GBF1: variants seen among roughly 807,000 people sequenced by gnomAD.
The protein encoded by GBF1 is golgi brefeldin A resistant guanine nucleotide exchange factor 1.
In GBF1, 114 loss-of-function variants were observed where a neutral mutation model predicts 210.5. The ratio of observed to expected loss-of-function variants is 0.54; its 90% confidence interval spans 0.47 to 0.63. The LOEUF (loss-of-function observed/expected upper bound fraction) is 0.63, where lower values mean the gene tolerates loss of function less well. Ranked by LOEUF, GBF1 falls within the 30% of genes least tolerant of loss-of-function variation. The probability of loss-of-function intolerance (pLI) is 0.00; values close to 1 mark genes in which losing one functional copy is unlikely to be tolerated. For synonymous variants in GBF1, 850 were observed against 889.2 expected (o/e 0.96, Z 0.78); for missense variants, 1,851 against 2,357.7 (o/e 0.79, Z 4.45).
At chr10:102,291,752 G>A (rs111883028) in intron 3 of GBF1, among the ~76,000 whole-genome samples, 299 of 152,212 alleles carry the variant, frequency 2.0e-3, no homozygotes, top group African/African-American at 6.9e-3. Context: ...TTGGACAGAT[G>A]GATGGGGAGC....
chr10:102,268,721 A>G (rs1167460458), intron 3 of GBF1, among the ~76,000 whole-genome samples: 2 of 152,162 alleles, frequency 1.3e-5, no homozygotes, highest in African/African-American at 4.8e-5. Flanking sequence ...ATTAGGAGAG[A>G]TAGTGAAGAG....
chr10:102,328,197 AG>A (rs1212136762), intron 3 of GBF1, among the ~76,000 whole-genome samples: 1 of 152,226 alleles, frequency 6.6e-6, no homozygotes, highest in Non-Finnish European at 1.5e-5. Context: ...AACAGCATAA[AG>A]ACTTCTTAAT....
At chr10:102,331,218 C>CA (rs1230193569) in intron 3 of GBF1, among the ~76,000 whole-genome samples, 1 of 152,042 alleles carries the variant, frequency 6.6e-6, no homozygotes, top group Non-Finnish European at 1.5e-5. Context: ...ATATAGATGG[C>CA]AAAAATAATT....
intron 3 of GBF1, among the ~76,000 whole-genome samples, chr10:102,333,141 G>A (rs2057459701): frequency 6.7e-6 from 1 of 150,186 alleles, no homozygotes; most frequent in African/African-American, 2.4e-5. Flanking sequence ...GAGAAATGAG[G>A]TGTTTTTGCC....
rs570089435 is a variant in GBF1, at chr10:102,276,343, G to A, written c.163+16227G>A. On this transcript the variant is annotated intron_variant, in intron 3 of 39. Coordinates refer to ENST00000369983, the MANE Select transcript of GBF1 (RefSeq NM_001377137.1). Reference sequence around the variant, plus strand: ...AGATCGAGACCATCCTGGCTAACACGGTGAAACCCCGTCTCTACTAAAAAA... The same window carrying A: ...AGATCGAGACCATCCTGGCTAACACAGTGAAACCCCGTCTCTACTAAAAAA... Among the ~76,000 whole-genome samples the A allele has an allele frequency of 2.2e-3, 338 of 151,918 alleles. 1 individual carries two copies. Among genetic ancestry groups the A allele is most frequent in the African/African-American group, 7.8e-3 (324 of 41,434 alleles).
intron 33 of GBF1, among the ~76,000 whole-genome samples, chr10:102,378,508 T>A (rs2060644435): frequency 6.6e-6 from 1 of 151,874 alleles, no homozygotes; most frequent in South Asian, 2.1e-4. Context: ...CACATTGTAG[T>A]CCCAGCTACT....
rs534134688 is a variant in GBF1 at position 102,378,296 on chromosome 10, A to G, written c.4495-988A>G. ...TCTGGCCAGACACTATTGCCCAATCAAAGCCTCTGAGCCTGAGGTTTTCTG... is the reference window on the plus strand; with the variant it reads ...TCTGGCCAGACACTATTGCCCAATCGAAGCCTCTGAGCCTGAGGTTTTCTG... On this transcript the variant is annotated intron_variant, in intron 33 of 39. Transcript: ENST00000369983. Among the ~76,000 whole-genome samples, 5 of 152,074 alleles carry G rather than the reference A, an allele frequency of 3.3e-5. No homozygotes were observed. In the South Asian group the frequency reaches 1.0e-3, roughly 32 times the overall value.
chr10:102,312,906 G>A (rs908589196), intron 3 of GBF1, among the ~76,000 whole-genome samples: 1 of 152,092 alleles, frequency 6.6e-6, no homozygotes, highest in Non-Finnish European at 1.5e-5. Flanking sequence ...GCTGTGCCTT[G>A]TCCTGTGGAA....
chr10:102,242,566 G>A (rs912798694), upstream of GBF1, among the ~76,000 whole-genome samples: 2 of 152,134 alleles, frequency 1.3e-5, no homozygotes, highest in Non-Finnish European at 2.9e-5. Context: ...TCTGACTTAG[G>A]CCTCAATTTC....
intron 1 of GBF1, among the ~76,000 whole-genome samples, chr10:102,256,097 C>A (rs2072322296): frequency 6.6e-6 from 1 of 152,206 alleles, no homozygotes. Context: ...AGGTGTGCAC[C>A]ACCACACCTG....
At chr10:102,253,009 C>G (rs1024703008) in intron 1 of GBF1, among the ~76,000 whole-genome samples, 3 of 152,064 alleles carry the variant, frequency 2.0e-5, no homozygotes, top group Admixed American at 2.0e-4. Flanking sequence ...ATCCTCCTGC[C>G]TCAGCCTCCT....
chr10:102,370,746 T>C lies in GBF1; in HGVS notation c.3546T>C (p.His1182=). 6.2e-7 allele frequency: 1 copy of C among 1,614,050 alleles called. No homozygotes were observed. Among genetic ancestry groups the C allele is most frequent in the Non-Finnish European group, 8.5e-7 (1 of 1,179,914 alleles). Residue 1182 remains histidine, a synonymous_variant, in exon 29 of 40, where the codon CAT becomes CAC. Transcript: ENST00000369983. ...VGCVWQTVRD[H]LYHLCVQAQD... The stretch of plus-strand genomic sequence containing the variant: ...GTGTGTGGCAGACTGTTCGAGACCA[T>C]CTATACCACCTCTGTGTTCAGGCAC...
At chr10:102,257,760 TA>T (rs2072610292) in intron 1 of GBF1, among the ~76,000 whole-genome samples, 1 of 152,088 alleles carries the variant, frequency 6.6e-6, no homozygotes, top group African/African-American at 2.4e-5. Flanking sequence ...GGGAAGACTA[TA>T]TACTTAGGAG....
intron 3 of GBF1, among the ~76,000 whole-genome samples, chr10:102,331,707 G>A (rs1489674862): frequency 1.3e-5 from 2 of 151,928 alleles, no homozygotes; most frequent in Non-Finnish European, 2.9e-5. Context: ...TTGAGACAGG[G>A]CCTCACTCTG....
chr10:102,347,439 G>A (rs1430420889), intron 4 of GBF1, among the ~76,000 whole-genome samples: 3 of 152,178 alleles, frequency 2.0e-5, no homozygotes, highest in African/African-American at 7.2e-5. Flanking sequence ...ACAGCCTCCA[G>A]TGGCTGCCGC....
Position 102,382,179 on chromosome 10 carries a change from T to C in GBF1, c.5426T>C (p.Leu1809Pro), listed in dbSNP as rs1461651426. Residue 1809 changes from leucine to proline, a missense_variant, in exon 40 of 40, where the codon CTG (leucine) becomes CCG (proline). By Grantham distance (98) the Leu-to-Pro change is moderately conservative. Transcript: ENST00000369983. ...CCTCCACCCTTGGCTCAGCCCCCAC[T>C]GATCCTGCAGCCCTTGGCCTCCCCA... ...DGPPPLAQPP[L>P]ILQPLASPLQ... 1.9e-6 allele frequency: 3 copies of C among 1,613,872 alleles called. No individual in the cohort carries two copies. The highest frequency in any genetic ancestry group is 2.5e-6 in the Non-Finnish European group (3 of 1,179,936).
intron 3 of GBF1, among the ~76,000 whole-genome samples, chr10:102,319,691 A>G (rs1176035817): frequency 2.2e-5 from 3 of 139,134 alleles, no homozygotes; most frequent in Non-Finnish European, 4.7e-5. Flanking sequence ...TGTTTATGCT[A>G]TGTCCATTTC....
intron 3 of GBF1, among the ~76,000 whole-genome samples, chr10:102,281,467 T>G (rs957480131): frequency 1.3e-5 from 2 of 151,800 alleles, no homozygotes; most frequent in Non-Finnish European, 2.9e-5. Context: ...ACTTTATAAT[T>G]TATAAAGTGG....
At chr10:102,243,588 A>G (rs962122578), upstream of GBF1, among the ~76,000 whole-genome samples, 18 of 152,282 alleles carry the variant, frequency 1.2e-4, no homozygotes, top group Non-Finnish European at 2.5e-4. Context: ...GGATTTTCCA[A>G]TCGGCTTTCC....
Sources: allele counts gnomAD v4.1 joint callset (sites outside exome capture counted in the v4.1 genomes callset), GRCh38; gene constraint gnomAD v4.1.1; transcripts MANE v1.5; gene names NCBI Gene and HGNC (gene_info 2026-07-23, HGNC 2026-07-21).